Variants in CDH2 observed in about 807,000 individuals in gnomAD.
CDH2 encodes cadherin-2.
In CDH2, 17 loss-of-function variants were observed where a neutral mutation model predicts 92.0. The observed-to-expected ratio is 0.18, with a 90% CI of 0.13 to 0.28. CDH2 has a LOEUF of 0.28. Ranked by LOEUF, CDH2 falls within the 10% of genes least tolerant of loss-of-function variation. The pLI is 1.00. For missense variants in CDH2, 862 were observed against 1,133.1 expected, an observed-to-expected ratio of 0.76 and a Z score of 3.44; for synonymous variants, 419 against 415.9, an observed-to-expected ratio of 1.01 and a Z score of -0.09.
intron 7 of CDH2, 85 bp from the exon 8 acceptor site, chr18:27,993,722 T>C (rs1013517756): frequency 3.0e-6 from 3 of 997,268 alleles, no homozygotes; most frequent in South Asian, 3.0e-5. Context: ...CTCTTTATAA[T>C]GCAAGGAGAG....
intron 1 of CDH2, among the ~76,000 whole-genome samples, chr18:28,154,896 G>A (rs1406639730): frequency 6.6e-6 from 1 of 152,080 alleles, no homozygotes; most frequent in East Asian, 1.9e-4. Context: ...TTTTCTTTCT[G>A]GCTCTGAAGA....
intron 2 of CDH2, among the ~76,000 whole-genome samples, chr18:28,110,443 C>G (rs2015392736): frequency 6.6e-6 from 1 of 152,118 alleles, no homozygotes; most frequent in East Asian, 1.9e-4. Flanking sequence ...GTAATGCAGA[C>G]AGACCAAGAA....
chr18:27,949,957 G>T (rs1909372192), downstream of CDH2, among the ~76,000 whole-genome samples: 1 of 151,872 alleles, frequency 6.6e-6, no homozygotes, highest in African/African-American at 2.4e-5. Context: ...TATCTAAATG[G>T]TGTGAGCATT....
At chr18:27,985,834 C>T in intron 11 of CDH2, 73 bp from the exon 12 acceptor site, 1 of 890,554 alleles carries the variant, frequency 1.1e-6, no homozygotes, top group East Asian at 2.5e-5. Context: ...GTGAAATTCT[C>T]AAAGCTTCTA....
chr18:28,165,843 G>T (rs951831918), intron 1 of CDH2, among the ~76,000 whole-genome samples: 6 of 151,620 alleles, frequency 4.0e-5, no homozygotes, highest in East Asian at 3.9e-4. Flanking sequence ...CTACAGAAAT[G>T]ATGTACTTGA....
At chr18:28,043,511 T>TATATAA (rs1202893416) in intron 2 of CDH2, among the ~76,000 whole-genome samples, 6 of 130,174 alleles carry the variant, frequency 4.6e-5, no homozygotes, top group Non-Finnish European at 8.1e-5. Context: ...TATATATATA[T>TATATAA]ATATAAACAG....
intron 14 of CDH2, among the ~76,000 whole-genome samples, chr18:27,967,057 C>A (rs928293914): frequency 2.0e-5 from 3 of 152,116 alleles, no homozygotes; most frequent in African/African-American, 7.2e-5. Flanking sequence ...GGTGAATCAC[C>A]CCATAATGAT....
intron 2 of CDH2, among the ~76,000 whole-genome samples, chr18:28,095,493 T>C (rs1445192226): frequency 6.6e-6 from 1 of 151,826 alleles, no homozygotes; most frequent in East Asian, 1.9e-4. Context: ...TCAGGATGCA[T>C]CCAGAAAAGG....
rs960747293 is a variant in CDH2, at chr18:28,011,870, T to A, written c.522A>T (p.Gly174=). The change falls in exon 4 of 16, where the codon GGA becomes GGT. Residue 174 remains glycine (G), a synonymous_variant. Transcript: ENST00000269141. The part of the protein sequence containing the change: ...PPINLPENSR[G]PFPQELVRIR... ...CCCTGACAAGCTCTTGAGGAAAAGG[T>A]CCCCTGGAGTTTTCTGGCAAGTTGA... is the stretch of plus-strand genomic sequence containing the variant. 1.2e-6 allele frequency: 2 copies of A among 1,613,940 alleles called. No individual in the cohort carries two copies. Among genetic ancestry groups the A allele is most frequent in the Non-Finnish European group, 1.7e-6 (2 of 1,179,952 alleles).
At chr18:27,936,600 G>A (rs576958959) in intron 6 of CDH2, among the ~76,000 whole-genome samples, 1 of 152,210 alleles carries the variant, frequency 6.6e-6, no homozygotes, top group South Asian at 2.1e-4. Flanking sequence ...TGCTATCACA[G>A]CTCCCTGCAG....
chr18:28,028,978 C>T (rs1041992481), intron 2 of CDH2, among the ~76,000 whole-genome samples: 1 of 152,148 alleles, frequency 6.6e-6, no homozygotes, highest in Non-Finnish European at 1.5e-5. Context: ...TATAAGTTCA[C>T]TGATGCCTTA....
chr18:28,073,301 A>G (rs1418964873), intron 2 of CDH2, among the ~76,000 whole-genome samples: 1 of 152,144 alleles, frequency 6.6e-6, no homozygotes, highest in African/African-American at 2.4e-5. Context: ...TTTCATATCC[A>G]TTGTCAAGGT....
intron 1 of CDH2, among the ~76,000 whole-genome samples, chr18:28,156,441 T>TAGCATGTCACCTTCCTAGGTAC: frequency 3.7e-5 from 1 of 27,386 alleles, no homozygotes; most frequent in Non-Finnish European, 8.2e-5. Context: ...TTCCCAGGTA[T>TAGCATGTCACCTTCCTAGGTAC]AGCATGTCAC....
chr18:28,023,182 G>A (rs914671998), intron 2 of CDH2, among the ~76,000 whole-genome samples: 7 of 152,052 alleles, frequency 4.6e-5, no homozygotes, highest in Admixed American at 3.9e-4. Flanking sequence ...CGATTTATAA[G>A]CAAACTTTTA....
At chr18:28,036,432 T>A (rs1247275006) in intron 2 of CDH2, 1 of 925,180 alleles carries the variant, frequency 1.1e-6, no homozygotes, top group Non-Finnish European at 1.8e-6. Flanking sequence ...GTTAACTAAA[T>A]CACCATGTTA....
downstream of CDH2, among the ~76,000 whole-genome samples, chr18:27,948,550 G>C (rs1021828521): frequency 6.6e-6 from 1 of 151,626 alleles, no homozygotes; most frequent in Non-Finnish European, 1.5e-5. Context: ...AAATTTACTA[G>C]ATTAGCAAAA....
chr18:27,971,242 A>G (rs899036930), intron 14 of CDH2, among the ~76,000 whole-genome samples: 2 of 152,056 alleles, frequency 1.3e-5, no homozygotes, highest in Non-Finnish European at 2.9e-5. Flanking sequence ...TCTCAAAAAA[A>G]AAAAGGTAGC....
chr18:28,167,573 T>A (rs1445900065), intron 1 of CDH2, among the ~76,000 whole-genome samples: 3 of 151,920 alleles, frequency 2.0e-5, no homozygotes, highest in Non-Finnish European at 4.4e-5. Context: ...AGCAAAAAAA[T>A]CATGCTGTTG....
intron 2 of CDH2, among the ~76,000 whole-genome samples, chr18:28,100,978 G>A (rs2015217065): frequency 6.6e-6 from 1 of 152,104 alleles, no homozygotes; most frequent in Admixed American, 6.5e-5. Context: ...CTTTTAAAAT[G>A]TGAAGTTCTG....
Sources: allele counts gnomAD v4.1 joint callset (sites outside exome capture counted in the v4.1 genomes callset), GRCh38; gene constraint gnomAD v4.1.1; transcripts MANE v1.5; gene names NCBI Gene and HGNC (gene_info 2026-07-23, HGNC 2026-07-21).